The following ERBB4 variants were observed in gnomAD, a reference collection of about 807,000 sequenced individuals.
ERBB4 encodes erb-b2 receptor tyrosine kinase 4.
In ERBB4, 42 loss-of-function variants were observed where a neutral mutation model predicts 158.0. The ratio of observed to expected loss-of-function variants is 0.27; its 90% CI spans 0.21 to 0.34. The LOEUF (loss-of-function observed/expected upper bound fraction) is 0.34, where lower values mean the gene tolerates loss of function less well. Among genes scored for constraint, ERBB4 ranks in the 10% least tolerant of loss-of-function variants. The pLI, the probability that ERBB4 is intolerant of heterozygous loss-of-function variation, is 1.00. For synonymous variants in ERBB4, 583 were observed against 558.7 expected (o/e 1.04, Z -0.61); for missense variants, 1,333 against 1,624.1 (o/e 0.82, Z 3.08).
intron 2 of ERBB4, among the ~76,000 whole-genome samples, chr2:211,965,209 G>C (rs2081280396): frequency 6.6e-6 from 1 of 152,102 alleles, no homozygotes; most frequent in Non-Finnish European, 1.5e-5. Flanking sequence ...GGGTAATACT[G>C]AAAATATTAT....
At chr2:211,426,802 T>C (rs1020689074) in intron 22 of ERBB4, among the ~76,000 whole-genome samples, 2 of 151,014 alleles carry the variant, frequency 1.3e-5, no homozygotes, top group African/African-American at 4.9e-5. Flanking sequence ...ATATAAAATA[T>C]ACTATATGAT....
chr2:212,297,943 T>C (rs923896506), intron 1 of ERBB4, among the ~76,000 whole-genome samples: 2 of 151,686 alleles, frequency 1.3e-5, no homozygotes, highest in Non-Finnish European at 3.0e-5. Context: ...AATATAGTCA[T>C]AAAAATAATG....
chr2:211,785,246 T>C (rs997499542), intron 4 of ERBB4, among the ~76,000 whole-genome samples: 7 of 152,000 alleles, frequency 4.6e-5, no homozygotes, highest in Admixed American at 2.6e-4. Flanking sequence ...GGACTACAGG[T>C]GCCTGCCACC....
At chr2:212,143,635 TTCTA>T (rs1406372643) in intron 1 of ERBB4, among the ~76,000 whole-genome samples, 2 of 152,104 alleles carry the variant, frequency 1.3e-5, no homozygotes, top group African/African-American at 4.8e-5. Context: ...TTGATTAAGT[TTCTA>T]TCCCACAGAA....
chr2:211,413,305 T>TAAAAAAAAAAAACAAAA (rs768289370), intron 25 of ERBB4, among the ~76,000 whole-genome samples: 1 of 56,936 alleles, frequency 1.8e-5, no homozygotes, highest in Non-Finnish European at 3.6e-5. Flanking sequence ...GACCCTGTCT[T>TAAAAAAAAAAAACAAAA]AAAAACACAC....
At chr2:212,053,951 T>TTCCCCATTAG (rs2077477140) in intron 2 of ERBB4, among the ~76,000 whole-genome samples, 1 of 152,208 alleles carries the variant, frequency 6.6e-6, no homozygotes, top group Non-Finnish European at 1.5e-5. Flanking sequence ...AAAGTCACTC[T>TTCCCCATTAG]TCCCCATTAG....
intron 1 of ERBB4, among the ~76,000 whole-genome samples, chr2:212,391,613 TTA>T (rs1357645332): frequency 3.5e-5 from 5 of 142,904 alleles, no homozygotes; most frequent in African/African-American, 8.0e-5. Flanking sequence ...AATGTGAATA[TTA>T]TATGTCAATA....
chr2:212,191,844 A>G (rs2082245844), intron 1 of ERBB4, among the ~76,000 whole-genome samples: 1 of 94,392 alleles, frequency 1.1e-5, no homozygotes, highest in Non-Finnish European at 2.5e-5. Context: ...TATATAATAC[A>G]TGTTATATAT....
intron 2 of ERBB4, among the ~76,000 whole-genome samples, chr2:212,053,207 C>T (rs1559394115): frequency 1.3e-5 from 2 of 152,114 alleles, no homozygotes; most frequent in Admixed American, 6.5e-5. Context: ...TAAAATGGTA[C>T]ATATCATTTC....
chr2:212,060,659 A>T (rs996375194), intron 2 of ERBB4, among the ~76,000 whole-genome samples: 64 of 123,146 alleles, frequency 5.2e-4, no homozygotes, highest in African/African-American at 1.7e-3. Flanking sequence ...TGTCCTTTGT[A>T]GGGACATGGA....
chr2:211,617,533 A>G (rs953979333), intron 19 of ERBB4, among the ~76,000 whole-genome samples: 11 of 152,100 alleles, frequency 7.2e-5, no homozygotes, highest in Non-Finnish European at 1.6e-4. Flanking sequence ...ATGCCGGTAG[A>G]TATGCAACAA....
intron 3 of ERBB4, among the ~76,000 whole-genome samples, chr2:211,936,836 A>C (rs2080337279): frequency 6.6e-6 from 1 of 152,188 alleles, no homozygotes; most frequent in Non-Finnish European, 1.5e-5. Flanking sequence ...AGTAACATTT[A>C]TTATGCCAAA....
At chr2:211,411,503 G>A (rs2063261904) in intron 25 of ERBB4, among the ~76,000 whole-genome samples, 1 of 152,120 alleles carries the variant, frequency 6.6e-6, no homozygotes, top group South Asian at 2.1e-4. Flanking sequence ...CATAAGGAGA[G>A]GAGCTCTTTC....
Position 211,766,747 on chromosome 2 carries a change from T to C in ERBB4, c.557-16043A>G, listed in dbSNP as rs141464681. On this transcript the variant is annotated intron_variant, in intron 4 of 27. Transcript: ENST00000342788. ...GCCGATCTGTGCTGATTTCCTAGAA[T>C]GGAATCAAAAGGAAAACCCCACCTC... Among the ~76,000 whole-genome samples, 557 of 152,152 alleles carry C rather than the reference T, an allele frequency of 3.7e-3. 5 individuals are homozygous for C. Among genetic ancestry groups the C allele is most frequent in the Middle Eastern group, 0.014 (4 of 294 alleles).
intron 1 of ERBB4, among the ~76,000 whole-genome samples, chr2:212,235,567 C>T (rs1438279727): frequency 6.6e-6 from 1 of 152,062 alleles, no homozygotes; most frequent in East Asian, 1.9e-4. Context: ...GGCAGTTTGG[C>T]CATTTTCAGG....
At chr2:211,520,907 T>C (rs748349964) in intron 20 of ERBB4, among the ~76,000 whole-genome samples, 4 of 152,168 alleles carry the variant, frequency 2.6e-5, no homozygotes, top group Non-Finnish European at 5.9e-5. Flanking sequence ...TGGAGCATCA[T>C]GAATCATGCC....
At chr2:211,876,754 T>C (rs116161167) in intron 3 of ERBB4, among the ~76,000 whole-genome samples, 2,276 of 152,308 alleles carry the variant, frequency 0.015, 67 homozygotes, top group African/African-American at 0.053. Flanking sequence ...TGTTTAAATG[T>C]ATATACATAT....
At chr2:211,938,474 T>A (rs1468670308) in intron 3 of ERBB4, among the ~76,000 whole-genome samples, 1 of 152,152 alleles carries the variant, frequency 6.6e-6, no homozygotes, top group Non-Finnish European at 1.5e-5. Context: ...TAGCCAAATA[T>A]GGCTGTTTAA....
At chr2:211,916,014 T>C (rs969661825) in intron 3 of ERBB4, among the ~76,000 whole-genome samples, 15 of 151,964 alleles carry the variant, frequency 9.9e-5, no homozygotes, top group African/African-American at 3.4e-4. Context: ...GTTGTATTAT[T>C]TGATTCTATG....
Sources: allele counts gnomAD v4.1 joint callset (sites outside exome capture counted in the v4.1 genomes callset), GRCh38; gene constraint gnomAD v4.1.1; transcripts MANE v1.5; gene names NCBI Gene and HGNC (gene_info 2026-07-23, HGNC 2026-07-21).